The following FGGY variants were observed in gnomAD, a reference collection of about 807,000 sequenced individuals.
FGGY encodes FGGY carbohydrate kinase domain containing.
In FGGY, 72 loss-of-function variants were observed where a neutral mutation model predicts 71.3. The ratio of observed to expected loss-of-function variants is 1.01; its 90% CI spans 0.84 to 1.23. The LOEUF is 1.23. Ranked by LOEUF, FGGY falls within the 50% of genes most tolerant of loss-of-function variation. The pLI, the probability that FGGY is intolerant of heterozygous loss-of-function variation, is 0.00. For synonymous variants in FGGY, 251 were observed against 250.3 expected, an observed-to-expected ratio of 1.00 and a Z score of -0.02; for missense variants, 668 against 682.3, an observed-to-expected ratio of 0.98 and a Z score of 0.23.
At chr1:59,375,879 G>C (rs975194343) in intron 4 of FGGY, among the ~76,000 whole-genome samples, 3 of 99,388 alleles carry the variant, frequency 3.0e-5, no homozygotes, top group African/African-American at 1.1e-4. Context: ...ATCTAAAGTA[G>C]TTTTTTTTTT....
chr1:59,359,326 G>A (rs547875440), intron 4 of FGGY, among the ~76,000 whole-genome samples: 11 of 152,190 alleles, frequency 7.2e-5, no homozygotes, highest in East Asian at 1.9e-4. Context: ...AGAATAAAAC[G>A]TTATCAAAGT....
At chr1:59,310,126 A>G (rs919116004) in intron 1 of FGGY, 2 of 152,082 alleles carry the variant, frequency 1.3e-5, no homozygotes, top group African/African-American at 4.8e-5. Context: ...TTTATCTGAT[A>G]TTGTCCTCAG....
intron 7 of FGGY, among the ~76,000 whole-genome samples, chr1:59,530,237 AG>A (rs1395165278): frequency 6.6e-6 from 1 of 152,214 alleles, no homozygotes; most frequent in African/African-American, 2.4e-5. Context: ...GGAAAGTACA[AG>A]GATTATTCTC....
intron 2 of FGGY, among the ~76,000 whole-genome samples, chr1:59,338,624 G>T (rs2050060383): frequency 6.6e-6 from 1 of 151,856 alleles, no homozygotes; most frequent in South Asian, 2.1e-4. Flanking sequence ...TTGCTAAGAG[G>T]ATTTTTTGAC....
At chr1:59,404,538 T>G (rs551349150) in intron 5 of FGGY, among the ~76,000 whole-genome samples, 3 of 152,242 alleles carry the variant, frequency 2.0e-5, no homozygotes, top group Admixed American at 6.5e-5. Flanking sequence ...CAGGTAGTTG[T>G]TGAGCGTAGA....
At chr1:59,741,283 T>A (rs150560347) in intron 14 of FGGY, among the ~76,000 whole-genome samples, 1,708 of 152,054 alleles carry the variant, frequency 0.011, 20 homozygotes, top group Middle Eastern at 0.031. Flanking sequence ...ATTTTGGGGG[T>A]GGAGCTCATG....
In FGGY at chr1:59,630,018, G is replaced by A. The variant is rs150993657; in HGVS notation, c.1073+3969G>A. On this transcript the variant is annotated intron_variant, in intron 10 of 15. Transcript: ENST00000303721. ...GTTTAATTGACTTACAGTTCTGTGG[G>A]CTGGGCAGGCATCAGGAAACTTACA... Among the ~76,000 whole-genome samples the A allele has an allele frequency of 1.6e-4, 25 of 152,250 alleles. No homozygotes were observed. The South Asian group carries it at 4.8e-3, about 29-fold the overall frequency.
intron 13 of FGGY, among the ~76,000 whole-genome samples, chr1:59,667,962 G>A (rs1572903944): frequency 1.3e-5 from 2 of 152,334 alleles, no homozygotes; most frequent in Middle Eastern, 6.8e-3. Context: ...CTGTCTTGAA[G>A]AAAGAATGCA....
intron 1 of FGGY, among the ~76,000 whole-genome samples, chr1:59,316,593 G>A (rs1228453906): frequency 1.3e-5 from 2 of 152,134 alleles, no homozygotes; most frequent in Non-Finnish European, 2.9e-5. Flanking sequence ...CAGCCACAAA[G>A]TCTGTGGTTT....
intron 8 of FGGY, among the ~76,000 whole-genome samples, chr1:59,574,845 G>A (rs1056772367): frequency 5.3e-5 from 8 of 152,016 alleles, no homozygotes; most frequent in African/African-American, 1.9e-4. Flanking sequence ...ATGAAAAGAA[G>A]CAAAGTTTTA....
intron 15 of FGGY, among the ~76,000 whole-genome samples, chr1:59,759,013 CTT>C (rs748135318): frequency 6.6e-6 from 1 of 152,092 alleles, no homozygotes; most frequent in Non-Finnish European, 1.5e-5. Context: ...AGATAAAAGG[CTT>C]TTTCAAGAAT....
intron 14 of FGGY, among the ~76,000 whole-genome samples, chr1:59,710,297 CAA>C (rs557060503): frequency 3.8e-4 from 58 of 152,254 alleles, no homozygotes; most frequent in Non-Finnish European, 6.0e-4. Flanking sequence ...AAAATTAACT[CAA>C]GATGGATTAA....
At chr1:59,508,011 C>T (rs2094436643) in intron 6 of FGGY, among the ~76,000 whole-genome samples, 1 of 152,098 alleles carries the variant, frequency 6.6e-6, no homozygotes, top group Admixed American at 6.5e-5. Context: ...CACACCATGC[C>T]CCTCAGGGCT....
intron 5 of FGGY, among the ~76,000 whole-genome samples, chr1:59,441,489 CTT>C (rs757024925): frequency 6.6e-6 from 1 of 152,180 alleles, no homozygotes; most frequent in Non-Finnish European, 1.5e-5. Flanking sequence ...CTGTAGTATT[CTT>C]AGCAGTGTCT....
At chr1:59,463,317 A>AT (rs2092386588) in intron 6 of FGGY, among the ~76,000 whole-genome samples, 1 of 152,178 alleles carries the variant, frequency 6.6e-6, no homozygotes, top group South Asian at 2.1e-4. Context: ...ATGCTGAGAG[A>AT]TTTTGTCACC....
At chr1:59,329,486 A>C (rs376442769) in intron 2 of FGGY, among the ~76,000 whole-genome samples, 5 of 152,356 alleles carry the variant, frequency 3.3e-5, no homozygotes, top group East Asian at 3.9e-4. Flanking sequence ...GCACGATAAA[A>C]TGAGGTATGC....
chr1:59,560,483 A>G (rs1338024031), intron 8 of FGGY, among the ~76,000 whole-genome samples: 2 of 152,238 alleles, frequency 1.3e-5, no homozygotes, highest in East Asian at 1.9e-4. Flanking sequence ...TCACTGTGAC[A>G]TATATACTTG....
At chr1:59,650,371 G>A (rs1344412396) in intron 11 of FGGY, among the ~76,000 whole-genome samples, 6 of 125,974 alleles carry the variant, frequency 4.8e-5, no homozygotes, top group South Asian at 2.6e-4. Flanking sequence ...CTGTGAATCC[G>A]TCTGGTCCTG....
chr1:59,440,565 A>G (rs1159306722), intron 5 of FGGY, among the ~76,000 whole-genome samples: 1 of 151,458 alleles, frequency 6.6e-6, no homozygotes, highest in African/African-American at 2.4e-5. Flanking sequence ...CAAAGAAGAC[A>G]TCAGTGATAA....
Sources: allele counts gnomAD v4.1 joint callset (sites outside exome capture counted in the v4.1 genomes callset), GRCh38; gene constraint gnomAD v4.1.1; transcripts MANE v1.5; gene names NCBI Gene and HGNC (gene_info 2026-07-23, HGNC 2026-07-21).